AP2B1: variants seen among roughly 807,000 people sequenced by gnomAD.
AP2B1 encodes AP-2 complex subunit beta.
AP2B1 carries 23 observed loss-of-function variants against 102.0 expected under a neutral mutation model. That is an observed-to-expected ratio of 0.23 (90% CI 0.16 to 0.32). AP2B1 has a LOEUF of 0.32. AP2B1 is among the 10% of genes least tolerant of loss of function. AP2B1 has a pLI of 1.00. For synonymous variants in AP2B1, 381 were observed against 421.2 expected (o/e 0.90, Z 1.17); for missense variants, 541 against 1,157.4 (o/e 0.47, Z 7.73).
intron 3 of AP2B1, among the ~76,000 whole-genome samples, chr17:35,602,057 C>G (rs2073506829): frequency 6.6e-6 from 1 of 152,170 alleles, no homozygotes; most frequent in South Asian, 2.1e-4. Context: ...AAGCTTATTT[C>G]TGTATCCTGC....
At chr17:35,616,987 C>G (rs971118188) in intron 5 of AP2B1, among the ~76,000 whole-genome samples, 1 of 152,190 alleles carries the variant, frequency 6.6e-6, no homozygotes, top group Non-Finnish European at 1.5e-5. Context: ...TATTAAAGGA[C>G]AGAGGGCTTG....
At chr17:35,684,918 A>G (rs2075900112) in intron 18 of AP2B1, among the ~76,000 whole-genome samples, 1 of 152,222 alleles carries the variant, frequency 6.6e-6, no homozygotes, top group Non-Finnish European at 1.5e-5. Flanking sequence ...ACAGTAAACA[A>G]ATTAATGAAT....
At chr17:35,661,382 A>AC (rs1450130962) in intron 14 of AP2B1, among the ~76,000 whole-genome samples, 1 of 152,168 alleles carries the variant, frequency 6.6e-6, no homozygotes, top group Non-Finnish European at 1.5e-5. Context: ...AACCAAATGA[A>AC]ATTCCAAATG....
rs758802832 is a variant in AP2B1, at chr17:35,624,384, C to A, written c.526-13C>A. 1.1e-5 allele frequency: 18 copies of A among 1,613,526 alleles called. No individual in the cohort carries two copies. The highest frequency in any genetic ancestry group is 2.2e-5 in the South Asian group (2 of 90,974). On this transcript the variant is annotated splice_polypyrimidine_tract_variant and intron_variant, in intron 5 of 21. Transcript: ENST00000610402. ...TTCTTGGTGAATCAAGGTCATACCC[C>A]CTTCTTTTCCAGGTGGTGGCTAATG... is the stretch of plus-strand genomic sequence containing the variant.
At chr17:35,593,099 T>G (rs1366098797) in intron 1 of AP2B1, among the ~76,000 whole-genome samples, 6 of 152,222 alleles carry the variant, frequency 3.9e-5, no homozygotes, top group Non-Finnish European at 7.4e-5. Flanking sequence ...TCTTTTGCCT[T>G]GTTTTTAACT....
At chr17:35,594,578 T>G (rs1175157072) in intron 2 of AP2B1, among the ~76,000 whole-genome samples, 1 of 152,184 alleles carries the variant, frequency 6.6e-6, no homozygotes, top group Admixed American at 6.5e-5. Flanking sequence ...GATTTAAAAT[T>G]TTTTTATCTT....
chr17:35,636,501 A>C (rs1255461491), intron 10 of AP2B1, 45 bp downstream of exon 10: 1 of 1,464,998 alleles, frequency 6.8e-7, no homozygotes, highest in African/African-American at 1.4e-5. Flanking sequence ...TTACTTAGGA[A>C]ATGTTTAAGG....
rs2085492535 is a variant in AP2B1, at chr17:35,724,805, T to G, written c.*1106T>G. 1.3e-5 allele frequency: 2 copies of G among 152,242 alleles called. No individual in the cohort carries two copies. The highest frequency in any genetic ancestry group is 4.8e-5 in the African/African-American group (2 of 41,458). The allele number at this position is 152,242 out of a possible 1,614,324, so 9.4% of individuals were successfully genotyped here. On this transcript the variant is annotated 3_prime_UTR_variant, in exon 22 of 22. Coordinates refer to ENST00000610402, the MANE Select transcript of AP2B1 (RefSeq NM_001030006.2). ...TTCCCCTAATGCCTTCTCCTGCCTTTTCTGTGCCTAGTTTTTGGCTCTTCA... is the reference window on the plus strand; with the variant it reads ...TTCCCCTAATGCCTTCTCCTGCCTTGTCTGTGCCTAGTTTTTGGCTCTTCA...
Position 35,723,654 on chromosome 17 carries a change from C to T in AP2B1, c.2811C>T (p.Val937=). 1.2e-6 allele frequency: 2 copies of T among 1,607,702 alleles called. No homozygotes were observed. The highest frequency in any genetic ancestry group is 1.1e-5 in the South Asian group (1 of 90,506). The change falls in exon 22 of 22, where the codon GTC becomes GTT. Residue 937 remains valine, a synonymous_variant. Transcript: ENST00000610402. The part of the protein sequence containing the change: ...TLSLKCRAPE[V]SQYIYQVYDS... ...CACTGAAGTGTAGAGCTCCTGAAGTCTCTCAATACATCTATCAGGTCTACG... is the reference window on the plus strand; with the variant it reads ...CACTGAAGTGTAGAGCTCCTGAAGTTTCTCAATACATCTATCAGGTCTACG...
At chr17:35,651,472 C>T (rs772297597) in intron 13 of AP2B1, among the ~76,000 whole-genome samples, 41 of 152,266 alleles carry the variant, frequency 2.7e-4, no homozygotes, top group Non-Finnish European at 4.7e-4. Flanking sequence ...ATGGGTATCT[C>T]AGAATCTTTT....
intron 20 of AP2B1, 91 bp downstream of exon 20, chr17:35,710,411 C>T (rs1330342233): frequency 2.4e-6 from 2 of 848,698 alleles, no homozygotes; most frequent in Non-Finnish European, 3.8e-6. Flanking sequence ...CCCTTTTATC[C>T]TCCCCCGTAT....
intron 13 of AP2B1, among the ~76,000 whole-genome samples, chr17:35,652,129 C>T (rs8074800): frequency 0.85 from 130,088 of 152,242 alleles, 55,801 homozygotes; most frequent in East Asian, 0.97. Context: ...TACATAAGGC[C>T]TTTATCTGAT....
intron 3 of AP2B1, among the ~76,000 whole-genome samples, chr17:35,604,076 A>G (rs1457688040): frequency 6.6e-6 from 1 of 152,084 alleles, no homozygotes; most frequent in African/African-American, 2.4e-5. Context: ...CTTTTTGTAC[A>G]TAAAATAAAT....
chr17:35,682,398 A>C (rs111546679), intron 17 of AP2B1, among the ~76,000 whole-genome samples: 9,038 of 136,774 alleles, frequency 0.066, 391 homozygotes, highest in Middle Eastern at 0.14. Flanking sequence ...GCTGGAGTGC[A>C]ATGGTGCGAT....
In AP2B1 at chr17:35,723,862, A is replaced by T. The variant is rs587700572; in HGVS notation, c.*163A>T. ...CTAACATTAGGGCACAACCTGTTGG[A>T]TAGTTTTAGCTTCCTGTGAACATTT... is the stretch of plus-strand genomic sequence containing the variant. On this transcript the variant is annotated 3_prime_UTR_variant, in exon 22 of 22. Transcript: ENST00000610402. 1 of 539,894 alleles carries T rather than the reference A, an allele frequency of 1.9e-6. No individual in the cohort carries two copies. Among genetic ancestry groups the T allele is most frequent in the African/African-American group, 1.9e-5 (1 of 53,844 alleles). 33.4% of individuals were successfully genotyped at this position (539,894 alleles called of 1,614,324 possible).
At chr17:35,648,823 G>T (rs896708967) in intron 12 of AP2B1, among the ~76,000 whole-genome samples, 1 of 151,506 alleles carries the variant, frequency 6.6e-6, no homozygotes, top group African/African-American at 2.4e-5. Flanking sequence ...GCTATTTGGG[G>T]GATTGGGAGT....
At chr17:35,700,407 A>G (rs1351019447) in intron 18 of AP2B1, among the ~76,000 whole-genome samples, 1 of 152,058 alleles carries the variant, frequency 6.6e-6, no homozygotes, top group Non-Finnish European at 1.5e-5. Flanking sequence ...CCTGCATATA[A>G]TCATTCCAAA....
chr17:35,601,815 T>C (rs2073496345), intron 3 of AP2B1, among the ~76,000 whole-genome samples: 1 of 151,820 alleles, frequency 6.6e-6, no homozygotes, highest in East Asian at 1.9e-4. Context: ...TTTGCTCTTG[T>C]TGCCCAGGCT....
intron 5 of AP2B1, among the ~76,000 whole-genome samples, chr17:35,608,636 C>A (rs1248619461): frequency 6.6e-6 from 1 of 152,038 alleles, no homozygotes; most frequent in Non-Finnish European, 1.5e-5. Flanking sequence ...CCCATATTGC[C>A]CATGATGAAA....
Sources: allele counts gnomAD v4.1 joint callset (sites outside exome capture counted in the v4.1 genomes callset), GRCh38; gene constraint gnomAD v4.1.1; transcripts MANE v1.5; gene names NCBI Gene and HGNC (gene_info 2026-07-23, HGNC 2026-07-21).